The following ZNF793 variants were observed in gnomAD, a reference collection of about 807,000 sequenced individuals.
The protein encoded by ZNF793 is zinc finger protein 793.
Under a neutral mutation model 12.4 loss-of-function variants are expected in ZNF793, and 5 were observed. The ratio of observed to expected loss-of-function variants is 0.40; its 90% CI spans 0.21 to 0.84. The LOEUF (loss-of-function observed/expected upper bound fraction) is 0.84, where lower values mean the gene tolerates loss of function less well. Among genes scored for constraint, ZNF793 ranks in the 40% least tolerant of loss-of-function variants. The pLI is 0.35. For synonymous variants in ZNF793, 162 were observed against 172.4 expected (o/e 0.94, Z 0.47); for missense variants, 456 against 495.0 (o/e 0.92, Z 0.75).
chr19:37,522,020 CT>C (rs895249784), intron 3 of ZNF793, among the ~76,000 whole-genome samples: 3 of 151,696 alleles, frequency 2.0e-5, no homozygotes, highest in East Asian at 1.9e-4. Flanking sequence ...AGAATAAGAA[CT>C]TTTTTTTATG....
intron 2 of ZNF793, among the ~76,000 whole-genome samples, chr19:37,512,762 A>G (rs1368182368): frequency 6.6e-6 from 1 of 152,190 alleles, no homozygotes; most frequent in Non-Finnish European, 1.5e-5. Context: ...GTTAACATTG[A>G]AATATTATTA....
chr19:37,518,281 A>G (rs1568787849), intron 2 of ZNF793, among the ~76,000 whole-genome samples: 1 of 151,876 alleles, frequency 6.6e-6, no homozygotes, highest in Non-Finnish European at 1.5e-5. Context: ...CCCTCCCACC[A>G]TGCCCAGCTA....
intron 7 of ZNF793, chr19:37,535,747 C>T (rs896878923): frequency 6.6e-6 from 1 of 152,064 alleles, no homozygotes; most frequent in African/African-American, 2.4e-5. Context: ...TAGTCTTGAA[C>T]TCCTGACGTC....
intron 6 of ZNF793, among the ~76,000 whole-genome samples, chr19:37,532,783 C>T (rs2042472561): frequency 6.6e-6 from 1 of 152,060 alleles, no homozygotes; most frequent in Non-Finnish European, 1.5e-5. Context: ...TGCACCATTG[C>T]ACTCTAGCCT....
chr19:37,528,486 T>TA (rs1268044836), intron 5 of ZNF793, among the ~76,000 whole-genome samples: 8 of 151,914 alleles, frequency 5.3e-5, no homozygotes, highest in African/African-American at 1.7e-4. Flanking sequence ...GACCACTAGG[T>TA]AAACAAGGAC....
At chr19:37,512,185 T>C (rs1163043664) in intron 2 of ZNF793, among the ~76,000 whole-genome samples, 1 of 152,108 alleles carries the variant, frequency 6.6e-6, no homozygotes, top group Non-Finnish European at 1.5e-5. Context: ...TATTGTTTTG[T>C]TTTGGTTTTG....
rs369780166 is a variant in ZNF793 at position 37,526,216 on chromosome 19, G to A, written c.15+2762G>A. Among the ~76,000 whole-genome samples, 8 of 152,214 alleles carry A rather than the reference G, an allele frequency of 5.3e-5. No homozygotes were observed. In the East Asian group the frequency reaches 5.8e-4, roughly 11 times the overall value. ...GAGCCTTGAACTCCTGGGCTCAAGCGATCCTCCCATTTCAGCCTCCCGAGT... is the reference window on the plus strand; with the variant it reads ...GAGCCTTGAACTCCTGGGCTCAAGCAATCCTCCCATTTCAGCCTCCCGAGT... On this transcript the variant is annotated intron_variant, in intron 5 of 7. Transcript: ENST00000627814.
intron 2 of ZNF793, among the ~76,000 whole-genome samples, chr19:37,513,036 C>A (rs927035627): frequency 8.6e-5 from 13 of 152,028 alleles, no homozygotes; most frequent in African/African-American, 3.1e-4. Context: ...TCATGTTGTA[C>A]ATCTCGGACA....
At chr19:37,512,577 C>T (rs2042302339) in intron 2 of ZNF793, among the ~76,000 whole-genome samples, 1 of 134,158 alleles carries the variant, frequency 7.5e-6, no homozygotes, top group Non-Finnish European at 1.5e-5. Flanking sequence ...CCCTTCACCC[C>T]ATTCTGTAAT....
intron 2 of ZNF793, among the ~76,000 whole-genome samples, chr19:37,518,989 G>A (rs2147072775): frequency 6.6e-6 from 1 of 152,102 alleles, no homozygotes; most frequent in South Asian, 2.1e-4. Flanking sequence ...TGATAGGGCT[G>A]GGCGCGGTGG....
intron 5 of ZNF793, among the ~76,000 whole-genome samples, chr19:37,532,014 A>ATTTTTTTTT (rs560896331): frequency 7.1e-6 from 1 of 141,370 alleles, no homozygotes; most frequent in Non-Finnish European, 1.6e-5. Flanking sequence ...TCTTGCACAA[A>ATTTTTTTTT]ATTTTTTTTT....
upstream of ZNF793, chr19:37,506,616 A>C (rs1014238661): frequency 2.0e-5 from 3 of 152,236 alleles, no homozygotes; most frequent in African/African-American, 4.8e-5. Flanking sequence ...CTCAGCTTTG[A>C]TGTCTGGGCG....
intron 2 of ZNF793, among the ~76,000 whole-genome samples, chr19:37,519,927 TAA>T (rs1447120983): frequency 6.6e-6 from 1 of 152,130 alleles, no homozygotes; most frequent in East Asian, 1.9e-4. Flanking sequence ...CCTAGAGAGG[TAA>T]AGTGTCTAGC....
intron 3 of ZNF793, among the ~76,000 whole-genome samples, chr19:37,520,671 C>T (rs1387603370): frequency 2.0e-5 from 3 of 152,072 alleles, no homozygotes; most frequent in Non-Finnish European, 4.4e-5. Flanking sequence ...TCTTTCTAGC[C>T]CATTGCGTTC....
chr19:37,518,661 A>G (rs1024049585), intron 2 of ZNF793, among the ~76,000 whole-genome samples: 21 of 150,314 alleles, frequency 1.4e-4, no homozygotes, highest in Non-Finnish European at 2.8e-4. Context: ...TTACCCAGGT[A>G]TGTTGGTGCA....
At chr19:37,536,398 A>G in intron 7 of ZNF793, 1 of 399,340 alleles carries the variant, frequency 2.5e-6, no homozygotes, top group Non-Finnish European at 4.4e-6. Context: ...CAAAATTGCC[A>G]CTTGAAGACC....
chr19:37,511,031 C>T (rs77490848), intron 2 of ZNF793, among the ~76,000 whole-genome samples: 21,262 of 151,978 alleles, frequency 0.14, 1,627 homozygotes, highest in South Asian at 0.24. Flanking sequence ...GCATAATACA[C>T]ATGTAGTGAA....
At chr19:37,524,560 G>C (rs948335469) in intron 5 of ZNF793, among the ~76,000 whole-genome samples, 2 of 152,156 alleles carry the variant, frequency 1.3e-5, no homozygotes, top group Non-Finnish European at 2.9e-5. Context: ...CCCAAGATTT[G>C]TACTGTTTAT....
At chr19:37,510,236 G>A (rs2042282610) in intron 2 of ZNF793, among the ~76,000 whole-genome samples, 2 of 151,974 alleles carry the variant, frequency 1.3e-5, no homozygotes, top group South Asian at 4.2e-4. Flanking sequence ...TGGGCATGTT[G>A]GCTGATGCCT....
Sources: gnomAD v4.1 joint callset for allele counts (sites outside exome capture counted in the v4.1 genomes callset) on GRCh38, gnomAD v4.1.1 for gene constraint, MANE v1.5 for transcripts, NCBI Gene and HGNC (gene_info 2026-07-23, HGNC 2026-07-21) for gene names.